SCTR: variants seen among roughly 807,000 people sequenced by gnomAD.
SCTR encodes secretin receptor.
In SCTR, 56 loss-of-function variants were observed where a neutral mutation model predicts 60.8. The ratio of observed to expected loss-of-function variants is 0.92; its 90% CI spans 0.74 to 1.15. The LOEUF is 1.15. SCTR is among the 50% of genes most tolerant of loss of function. The pLI is 0.00. For synonymous variants in SCTR, 202 were observed against 217.0 expected (o/e 0.93, Z 0.61); for missense variants, 562 against 550.4 (o/e 1.02, Z -0.21).
At chr2:119,443,649 C>T (rs1451905871) in intron 11 of SCTR, among the ~76,000 whole-genome samples, 5 of 152,178 alleles carry the variant, frequency 3.3e-5, no homozygotes, top group African/African-American at 1.2e-4. Flanking sequence ...CAGGTTCAAG[C>T]AATTCTCTTG....
At position 119,473,543 on chromosome 2, in the gene SCTR, T is replaced by C; in HGVS notation, c.315A>G (p.Arg105=). 6.2e-7 allele frequency: 1 copy of C among 1,613,778 alleles called. No individual in the cohort carries two copies. The highest frequency in any genetic ancestry group is 8.5e-7 in the Non-Finnish European group (1 of 1,179,676). The change falls in exon 4 of 13, where the codon CGA becomes CGG. Residue 105 remains arginine (R), a synonymous_variant. Coordinates refer to ENST00000019103, the MANE Select transcript of SCTR (RefSeq NM_002980.3). ...MLTSRNGSLF[R]NCTQDGWSET... ...CTGACCAGCCATCCTGTGTGCAGTT[T>C]CGGAACAAGGAACCTGTGGGTGCCA...
intron 2 of SCTR, among the ~76,000 whole-genome samples, chr2:119,488,110 G>A (rs1021547751): frequency 6.6e-6 from 1 of 152,236 alleles, no homozygotes; most frequent in Admixed American, 6.5e-5. Context: ...TTTCCAGCAG[G>A]CAGAGTCCTT....
intron 1 of SCTR, among the ~76,000 whole-genome samples, chr2:119,506,490 TTATC>T (rs775736159): frequency 2.0e-4 from 31 of 151,996 alleles, no homozygotes; most frequent in Admixed American, 3.9e-4. Flanking sequence ...ATTTATTTAT[TTATC>T]TTTTAGAGAC....
chr2:119,447,732 T>C (rs987061888), intron 10 of SCTR, among the ~76,000 whole-genome samples: 3 of 152,136 alleles, frequency 2.0e-5, no homozygotes, highest in African/African-American at 4.8e-5. Context: ...CCACCACGCC[T>C]GGCTAATTTT....
chr2:119,464,886 G>A (rs1209571836), intron 5 of SCTR, among the ~76,000 whole-genome samples: 1 of 152,220 alleles, frequency 6.6e-6, no homozygotes, highest in Non-Finnish European at 1.5e-5. Flanking sequence ...AGGCTGCGGG[G>A]AGAAAGCAGA....
chr2:119,466,146 C>G (rs73951113), intron 4 of SCTR, among the ~76,000 whole-genome samples: 8,626 of 152,070 alleles, frequency 0.057, 804 homozygotes, highest in African/African-American at 0.2. Context: ...GTATAGGGCC[C>G]CTTACCAACT....
chr2:119,492,324 C>T (rs915806469), intron 2 of SCTR, among the ~76,000 whole-genome samples: 6 of 152,330 alleles, frequency 3.9e-5, no homozygotes, highest in Admixed American at 2.6e-4. Flanking sequence ...CACTGCAAAA[C>T]GCATTCCTAA....
chr2:119,466,813 C>G (rs958145418), intron 4 of SCTR, among the ~76,000 whole-genome samples: 22 of 151,976 alleles, frequency 1.4e-4, no homozygotes, highest in African/African-American at 5.3e-4. Flanking sequence ...TGTCTTTAAC[C>G]TCTTTCCACA....
At chr2:119,469,144 C>T (rs1306970895) in intron 4 of SCTR, among the ~76,000 whole-genome samples, 2 of 152,130 alleles carry the variant, frequency 1.3e-5, no homozygotes, top group African/African-American at 4.8e-5. Flanking sequence ...TTAATGGTTC[C>T]TAGGCTTTGG....
chr2:119,493,638 C>A (rs548929587), intron 2 of SCTR, among the ~76,000 whole-genome samples: 1 of 96,352 alleles, frequency 1.0e-5, no homozygotes, highest in Admixed American at 1.3e-4. Context: ...CTCCATTCTT[C>A]TTCTTTTTTT....
chr2:119,453,741 AG>A (rs1291487771), intron 7 of SCTR, among the ~76,000 whole-genome samples: 5 of 152,282 alleles, frequency 3.3e-5, no homozygotes, highest in African/African-American at 7.2e-5. Context: ...TGCAGCGGGG[AG>A]GAGGAAGTGG....
At chr2:119,499,855 G>A (rs1423196800) in intron 1 of SCTR, among the ~76,000 whole-genome samples, 1 of 151,984 alleles carries the variant, frequency 6.6e-6, no homozygotes, top group Non-Finnish European at 1.5e-5. Flanking sequence ...CCTTAAGGAT[G>A]GCAAGATGTC....
intron 4 of SCTR, among the ~76,000 whole-genome samples, chr2:119,469,821 T>G (rs1349881715): frequency 2.0e-5 from 3 of 152,186 alleles, no homozygotes. Flanking sequence ...TCTAAAAGTG[T>G]GCACCACTCC....
At chr2:119,518,515 T>G (rs1679182273) in intron 1 of SCTR, among the ~76,000 whole-genome samples, 1 of 152,172 alleles carries the variant, frequency 6.6e-6, no homozygotes, top group African/African-American at 2.4e-5. Context: ...CGGGACGTGA[T>G]GAACCAGGGA....
intron 1 of SCTR, among the ~76,000 whole-genome samples, chr2:119,521,304 T>C (rs916455660): frequency 6.6e-6 from 1 of 152,250 alleles, no homozygotes. Context: ...TCTTCCTTAT[T>C]TGTTGCTGCA....
intron 1 of SCTR, among the ~76,000 whole-genome samples, chr2:119,499,525 A>G (rs1573907988): frequency 6.6e-6 from 1 of 152,122 alleles, no homozygotes; most frequent in South Asian, 2.1e-4. Flanking sequence ...GTGTTCTCTG[A>G]CCACAATGAA....
At chr2:119,512,445 G>A (rs750569542) in intron 1 of SCTR, among the ~76,000 whole-genome samples, 3 of 151,482 alleles carry the variant, frequency 2.0e-5, no homozygotes, top group Non-Finnish European at 4.4e-5. Context: ...TTCCCAGGCT[G>A]GAGTGCAGTG....
At chr2:119,477,639 T>C (rs1486639433) in intron 3 of SCTR, among the ~76,000 whole-genome samples, 1 of 151,974 alleles carries the variant, frequency 6.6e-6, no homozygotes, top group Non-Finnish European at 1.5e-5. Context: ...TTAGAAGAGA[T>C]GGGGTTTCAC....
intron 10 of SCTR, among the ~76,000 whole-genome samples, chr2:119,448,142 C>A (rs1157330893): frequency 1.3e-5 from 2 of 152,192 alleles, no homozygotes. Context: ...AGAAATGCTT[C>A]AGAAGAAACC....
Sources: gnomAD v4.1 joint callset for allele counts (sites outside exome capture counted in the v4.1 genomes callset) on GRCh38, gnomAD v4.1.1 for gene constraint, MANE v1.5 for transcripts, NCBI Gene and HGNC (gene_info 2026-07-23, HGNC 2026-07-21) for gene names.